Variants in SMG6 observed in about 807,000 individuals in gnomAD.
SMG6 encodes telomerase-binding protein EST1A.
SMG6 carries 66 observed loss-of-function variants against 142.2 expected under a neutral mutation model. The observed-to-expected ratio is 0.46, with a 90% confidence interval of 0.38 to 0.57. The LOEUF is 0.57. SMG6 is among the 20% of genes least tolerant of loss of function. SMG6 has a pLI of 0.00. For synonymous variants in SMG6, 779 were observed against 702.4 expected, an observed-to-expected ratio of 1.11 and a Z score of -1.72; for missense variants, 1,793 against 1,832.0, an observed-to-expected ratio of 0.98 and a Z score of 0.39.
chr17:2,163,731 A>G (rs2071249217), intron 13 of SMG6, among the ~76,000 whole-genome samples: 1 of 151,930 alleles, frequency 6.6e-6, no homozygotes, highest in Admixed American at 6.6e-5. Context: ...ACTAGGACCA[A>G]CACAGACTGA....
chr17:2,233,148 C>T (rs1011473597), intron 10 of SMG6: 2 of 152,228 alleles, frequency 1.3e-5, no homozygotes, highest in Admixed American at 1.3e-4. Context: ...GAATCTGCTC[C>T]CCTGTGGCTC....
chr17:2,144,684 G>A (rs1015814338), intron 13 of SMG6, among the ~76,000 whole-genome samples: 5 of 152,120 alleles, frequency 3.3e-5, no homozygotes, highest in Admixed American at 3.3e-4. Flanking sequence ...GTTACCCTGG[G>A]ACACTGTCAG....
intron 13 of SMG6, among the ~76,000 whole-genome samples, chr17:2,133,592 C>T (rs1046145944): frequency 9.2e-5 from 14 of 152,100 alleles, no homozygotes; most frequent in African/African-American, 1.9e-4. Context: ...GGATGGGATA[C>T]GGTGGCATGA....
At chr17:2,090,481 A>C (rs1406522483) in intron 13 of SMG6, among the ~76,000 whole-genome samples, 2 of 152,184 alleles carry the variant, frequency 1.3e-5, no homozygotes, top group African/African-American at 4.8e-5. Flanking sequence ...AATATGAGGA[A>C]GGGCTGGAGA....
chr17:2,240,453 A>C (rs1184352441), intron 9 of SMG6, among the ~76,000 whole-genome samples: 1 of 150,544 alleles, frequency 6.6e-6, no homozygotes, highest in African/African-American at 2.5e-5. Flanking sequence ...AAAACCAAAA[A>C]ACTAAGCCAT....
intron 13 of SMG6, among the ~76,000 whole-genome samples, chr17:2,095,284 T>G (rs2068826949): frequency 6.6e-6 from 1 of 152,222 alleles, no homozygotes; most frequent in Non-Finnish European, 1.5e-5. Context: ...GCACTGAACC[T>G]TGGGCTCTAG....
At chr17:2,078,783 C>G (rs1471880709) in intron 15 of SMG6, among the ~76,000 whole-genome samples, 1 of 152,108 alleles carries the variant, frequency 6.6e-6, no homozygotes, top group Non-Finnish European at 1.5e-5. Context: ...GGAGGGTGGT[C>G]TGGCGAACAG....
intron 8 of SMG6, among the ~76,000 whole-genome samples, chr17:2,277,583 C>T (rs2074690648): frequency 6.6e-6 from 1 of 152,184 alleles, no homozygotes; most frequent in African/African-American, 2.4e-5. Context: ...CTCCTAACTC[C>T]ATTTTCTGCA....
At chr17:2,122,514 T>C (rs1321729978) in intron 13 of SMG6, 1 of 152,210 alleles carries the variant, frequency 6.6e-6, no homozygotes, top group Non-Finnish European at 1.5e-5. Context: ...GGATCGCATA[T>C]AAATCCCCAA....
At chr17:2,218,745 C>T (rs936641830) in intron 10 of SMG6, among the ~76,000 whole-genome samples, 5 of 151,982 alleles carry the variant, frequency 3.3e-5, no homozygotes, top group Non-Finnish European at 7.4e-5. Flanking sequence ...CAAACTTACT[C>T]ACTCAGAGTG....
At chr17:2,217,954 G>A (rs932879945) in intron 10 of SMG6, among the ~76,000 whole-genome samples, 24 of 151,750 alleles carry the variant, frequency 1.6e-4, no homozygotes, top group African/African-American at 5.8e-4. Flanking sequence ...AGGTTGCAGT[G>A]AGCTGAGATT....
chr17:2,215,489 G>C (rs192474757), intron 10 of SMG6: 1 of 152,156 alleles, frequency 6.6e-6, no homozygotes, highest in Non-Finnish European at 1.5e-5. Context: ...AACTCATGGA[G>C]AGGTTTATTT....
At chr17:2,134,373 G>A (rs760385774) in intron 13 of SMG6, among the ~76,000 whole-genome samples, 29 of 125,730 alleles carry the variant, frequency 2.3e-4, no homozygotes, top group Non-Finnish European at 3.0e-4. Context: ...AGCCGAGATC[G>A]TGCCTACAAC....
chr17:2,284,759 G>T (rs902383849), intron 6 of SMG6, among the ~76,000 whole-genome samples: 12 of 152,102 alleles, frequency 7.9e-5, no homozygotes, highest in Non-Finnish European at 1.6e-4. Flanking sequence ...ACCTAGAGAG[G>T]TTTCCTTATT....
At chr17:2,191,733 C>G (rs1024261006) in intron 10 of SMG6, among the ~76,000 whole-genome samples, 1 of 152,194 alleles carries the variant, frequency 6.6e-6, no homozygotes, top group Non-Finnish European at 1.5e-5. Flanking sequence ...TGGCCAAATA[C>G]CGGCTCGGAC....
In SMG6 at chr17:2,135,911, G is replaced by A. The variant is rs1490420220; in HGVS notation, c.3357+36747C>T. Among the ~76,000 whole-genome samples, 7 of 138,538 alleles carry A rather than the reference G, an allele frequency of 5.1e-5. No homozygotes were observed. The East Asian group carries it at 1.2e-3, about 24-fold the overall frequency. The allele number at this position is 138,538 out of a possible 152,430, so 90.9% of individuals were successfully genotyped here. A position where few individuals can be genotyped will look rare whatever the true frequency, so the allele number is the denominator to read the frequency against. On this transcript the variant is annotated intron_variant, in intron 13 of 18. Transcript: ENST00000263073. ...TATGTTGTCCAGGCTGGTCTTGAAC[G>A]CTTGGACTCAATCCTCCCACACTGG...
intron 15 of SMG6, among the ~76,000 whole-genome samples, chr17:2,072,379 A>G (rs2078379057): frequency 6.6e-6 from 1 of 152,070 alleles, no homozygotes; most frequent in Admixed American, 6.6e-5. Flanking sequence ...AGCAATAAGG[A>G]CCCAAGTTGG....
Position 2,297,225 on chromosome 17 carries a change from A to T in SMG6, c.2151+18T>A, listed in dbSNP as rs183676006. On this transcript the variant is annotated intron_variant, in intron 4 of 18. Coordinates refer to ENST00000263073, the MANE Select transcript of SMG6 (RefSeq NM_017575.5). ...CGAAATGAATGAAAATTTAAGATAC[A>T]TAAAGAAGGTAGCTTACTGTCTTGC... is the stretch of plus-strand genomic sequence containing the variant. 5 of 1,548,650 alleles carry T rather than the reference A, an allele frequency of 3.2e-6. No homozygotes were observed. Among genetic ancestry groups the T allele is most frequent in the Admixed American group, 3.8e-5 (2 of 52,480 alleles).
chr17:2,072,314 C>G (rs2068126522), intron 15 of SMG6, among the ~76,000 whole-genome samples: 1 of 152,110 alleles, frequency 6.6e-6, no homozygotes, highest in African/African-American at 2.4e-5. Context: ...ACAGTGATCC[C>G]TGGATAGTGC....
Sources: gnomAD v4.1 joint callset for allele counts (sites outside exome capture counted in the v4.1 genomes callset) on GRCh38, gnomAD v4.1.1 for gene constraint, MANE v1.5 for transcripts, NCBI Gene and HGNC (gene_info 2026-07-23, HGNC 2026-07-21) for gene names.